MRPS6: variants seen among roughly 807,000 people sequenced by gnomAD.
The protein encoded by MRPS6 is small ribosomal subunit protein bS6m.
In MRPS6, 6 loss-of-function variants were observed where a neutral mutation model predicts 13.1. That is an observed-to-expected ratio of 0.46 (90% CI 0.25 to 0.91). The LOEUF (loss-of-function observed/expected upper bound fraction) is 0.91, where lower values mean the gene tolerates loss of function less well. Among genes scored for constraint, MRPS6 ranks in the 40% least tolerant of loss-of-function variants. The pLI is 0.18. For missense variants in MRPS6, 164 were observed against 155.6 expected, an observed-to-expected ratio of 1.05 and a Z score of -0.29; for synonymous variants, 61 against 56.5, an observed-to-expected ratio of 1.08 and a Z score of -0.36.
intron 1 of MRPS6, chr21:34,102,705 C>T: frequency 1.0e-6 from 1 of 1,000,082 alleles, no homozygotes; most frequent in Non-Finnish European, 1.2e-6. Flanking sequence ...GAAGAGCGAG[C>T]AAATCAAGAC....
At chr21:34,095,812 T>C (rs776956536) in intron 1 of MRPS6, 1 of 1,613,910 alleles carries the variant, frequency 6.2e-7, no homozygotes, top group Non-Finnish European at 8.5e-7. Flanking sequence ...ATTAGCATAA[T>C]GGAGATTGGC....
Position 34,127,353 on chromosome 21 carries a change from C to T in MRPS6, c.185+1873C>T, listed in dbSNP as rs563344651. Reference sequence around the variant, plus strand: ...AAGTGTGGTCTCTGAAACGCTAATTCCGTAGAGATGCTCCATCAAAAAAGG... The same window carrying T: ...AAGTGTGGTCTCTGAAACGCTAATTTCGTAGAGATGCTCCATCAAAAAAGG... On this transcript the variant is annotated intron_variant, in intron 2 of 2. Coordinates refer to ENST00000399312, the MANE Select transcript of MRPS6 (RefSeq NM_032476.4). 5.9e-5 allele frequency among the ~76,000 whole-genome samples: 9 copies of T among 152,178 alleles called. No individual in the cohort carries two copies. The East Asian group carries it at 1.5e-3, about 26-fold the overall frequency.
intron 2 of MRPS6, among the ~76,000 whole-genome samples, chr21:34,128,919 C>T (rs1980403605): frequency 6.6e-6 from 1 of 152,184 alleles, no homozygotes; most frequent in Admixed American, 6.5e-5. Context: ...ATCATTGGTG[C>T]ATGACCTGGA....
chr21:34,116,409 A>G (rs562805457), intron 1 of MRPS6, among the ~76,000 whole-genome samples: 1 of 150,844 alleles, frequency 6.6e-6, no homozygotes, highest in Non-Finnish European at 1.5e-5. Flanking sequence ...GATTTCTGAA[A>G]TCTTGGTGGA....
chr21:34,107,028 T>G (rs28829376), intron 1 of MRPS6, among the ~76,000 whole-genome samples: 3,673 of 152,006 alleles, frequency 0.024, 157 homozygotes, highest in African/African-American at 0.083. Context: ...GTCTCCTGAG[T>G]TCAAGCAATT....
intron 1 of MRPS6, among the ~76,000 whole-genome samples, chr21:34,081,721 G>A (rs1240351076): frequency 6.6e-6 from 1 of 152,162 alleles, no homozygotes. Context: ...TGACCTTGGA[G>A]GTAGTTAAGT....
chr21:34,103,505 G>A (rs1340832058), intron 1 of MRPS6: 2 of 999,032 alleles, frequency 2.0e-6, no homozygotes, highest in Non-Finnish European at 2.4e-6. Flanking sequence ...AGGTTGATAG[G>A]TATATCGAGA....
chr21:34,116,111 C>T (rs1979889797), intron 1 of MRPS6, among the ~76,000 whole-genome samples: 3 of 151,858 alleles, frequency 2.0e-5, no homozygotes, highest in Admixed American at 2.0e-4. Context: ...TAGCCTCAAG[C>T]AATCCTCCTA....
intron 2 of MRPS6, among the ~76,000 whole-genome samples, chr21:34,141,808 G>C (rs991002291): frequency 6.6e-6 from 1 of 152,200 alleles, no homozygotes; most frequent in Non-Finnish European, 1.5e-5. Flanking sequence ...GATGCCCGTC[G>C]ACATTAGTCT....
chr21:34,101,601 T>G, intron 1 of MRPS6: 1 of 1,000,164 alleles, frequency 1.0e-6, no homozygotes, highest in Non-Finnish European at 1.2e-6. Context: ...GTTCTACACC[T>G]AGTCTTTTCA....
intron 1 of MRPS6, among the ~76,000 whole-genome samples, chr21:34,087,233 G>T (rs954156692): frequency 6.6e-6 from 1 of 151,942 alleles, no homozygotes; most frequent in Non-Finnish European, 1.5e-5. Context: ...TGAGATTGCA[G>T]ATCACTGGTG....
chr21:34,134,104 A>C (rs1602966217), intron 2 of MRPS6, among the ~76,000 whole-genome samples: 2 of 152,212 alleles, frequency 1.3e-5, no homozygotes, highest in Admixed American at 6.5e-5. Flanking sequence ...CACTATTTTA[A>C]GCTCTGTTCC....
chr21:34,110,979 A>G (rs1450204126), intron 1 of MRPS6, among the ~76,000 whole-genome samples: 1 of 152,178 alleles, frequency 6.6e-6, no homozygotes, highest in Non-Finnish European at 1.5e-5. Flanking sequence ...AAACAACGAA[A>G]TGACCCCCAG....
At chr21:34,083,292 G>A (rs1029244453) in intron 1 of MRPS6, among the ~76,000 whole-genome samples, 1 of 152,146 alleles carries the variant, frequency 6.6e-6, no homozygotes. Context: ...TCCATGTGTC[G>A]TCTTTGCTTC....
At chr21:34,107,508 G>A (rs1979526645) in intron 1 of MRPS6, among the ~76,000 whole-genome samples, 1 of 152,036 alleles carries the variant, frequency 6.6e-6, no homozygotes, top group Non-Finnish European at 1.5e-5. Context: ...ATTAGTGGGG[G>A]GATATTAAAA....
intron 2 of MRPS6, among the ~76,000 whole-genome samples, chr21:34,126,936 A>T (rs1387322562): frequency 6.6e-6 from 1 of 151,250 alleles, no homozygotes; most frequent in Non-Finnish European, 1.5e-5. Context: ...TCATTTTCAG[A>T]CCTCTGTGTG....
intron 1 of MRPS6, among the ~76,000 whole-genome samples, chr21:34,116,627 A>G (rs1445062736): frequency 6.6e-6 from 1 of 152,038 alleles, no homozygotes; most frequent in African/African-American, 2.4e-5. Flanking sequence ...TACGGATGAA[A>G]TGAGTACTCA....
At chr21:34,141,504 C>T (rs1980905325) in intron 2 of MRPS6, among the ~76,000 whole-genome samples, 1 of 152,110 alleles carries the variant, frequency 6.6e-6, no homozygotes, top group South Asian at 2.1e-4. Flanking sequence ...GTACAAAGGC[C>T]TGGGAGGGGA....
At chr21:34,140,018 C>G (rs1294944507) in intron 2 of MRPS6, among the ~76,000 whole-genome samples, 2 of 152,120 alleles carry the variant, frequency 1.3e-5, no homozygotes, top group Non-Finnish European at 2.9e-5. Context: ...GCCCTTACCT[C>G]TTTTTACTCA....
Sources: allele counts gnomAD v4.1 joint callset (sites outside exome capture counted in the v4.1 genomes callset), GRCh38; gene constraint gnomAD v4.1.1; transcripts MANE v1.5; gene names NCBI Gene and HGNC (gene_info 2026-07-23, HGNC 2026-07-21).